The following NCOR2 variants were observed in gnomAD, a reference collection of about 807,000 sequenced individuals.
The protein encoded by NCOR2 is CTG repeat protein 26.
A neutral mutation model predicts 262.9 loss-of-function variants in NCOR2; 81 were observed. The observed-to-expected ratio is 0.31, with a 90% CI of 0.26 to 0.37. The LOEUF is 0.37. NCOR2 is among the 10% of genes least tolerant of loss of function. The probability of loss-of-function intolerance (pLI) is 1.00; values close to 1 mark genes in which losing one functional copy is unlikely to be tolerated. For synonymous variants in NCOR2, 1,659 were observed against 1,559.3 expected, an observed-to-expected ratio of 1.06 and a Z score of -1.51; for missense variants, 3,385 against 3,621.4, an observed-to-expected ratio of 0.93 and a Z score of 1.68.
chr12:124,437,866 C>T, intron 8 of NCOR2, 64 bp downstream of exon 10: 1 of 1,494,654 alleles, frequency 6.7e-7, no homozygotes, highest in Non-Finnish European at 9.2e-7. Flanking sequence ...AGGTGTGGCC[C>T]CCTGTGCGCT....
At chr12:124,398,289 G>T in intron 15 of NCOR2, 108 bp from the exon 18 acceptor site, 1 of 1,214,910 alleles carries the variant, frequency 8.2e-7, no homozygotes, top group Non-Finnish European at 1.2e-6. Context: ...GGCCTTGACG[G>T]TGTCACCGCA....
intron 4 of NCOR2, among the ~76,000 whole-genome samples, chr12:124,468,136 TCATCAC>T (rs2046590635): frequency 1.8e-5 from 1 of 54,824 alleles, no homozygotes; most frequent in Non-Finnish European, 3.3e-5. Flanking sequence ...ATCCTCATCC[TCATCAC>T]CATCACCCTC....
chr12:124,368,468 TC>T (rs2039214889), intron 20 of NCOR2, among the ~76,000 whole-genome samples: 6 of 152,018 alleles, frequency 3.9e-5, no homozygotes, highest in Admixed American at 3.9e-4. Context: ...ATCCCTTGCC[TC>T]TCCAAGGCCC....
At chr12:124,339,893 GCCCA>G in intron 37 of NCOR2, 109 bp downstream of exon 39, 14 of 565,960 alleles carry the variant, frequency 2.5e-5, no homozygotes, top group Middle Eastern at 4.9e-4. Flanking sequence ...CCACACATCT[GCCCA>G]CCCACCCACC....
intron 37 of NCOR2, among the ~76,000 whole-genome samples, chr12:124,338,199 G>A (rs1393432430): frequency 1.3e-5 from 2 of 152,220 alleles, no homozygotes; most frequent in African/African-American, 4.8e-5. Flanking sequence ...TTTTGGAGGA[G>A]TAAGTTGCCT....
At chr12:124,373,177 T>C (rs1358665485) in intron 19 of NCOR2, among the ~76,000 whole-genome samples, 2 of 152,264 alleles carry the variant, frequency 1.3e-5, no homozygotes, top group Non-Finnish European at 2.9e-5. Flanking sequence ...CATCGTCACA[T>C]GACAGTGTAG....
intron 20 of NCOR2, among the ~76,000 whole-genome samples, chr12:124,364,071 G>A (rs1255966269): frequency 1.3e-5 from 2 of 152,178 alleles, no homozygotes; most frequent in African/African-American, 2.4e-5. Flanking sequence ...CCCCATCAGG[G>A]GCCAAGCCAG....
At chr12:124,359,096 G>A (rs953885771) in intron 22 of NCOR2, among the ~76,000 whole-genome samples, 1 of 152,226 alleles carries the variant, frequency 6.6e-6, no homozygotes, top group Non-Finnish European at 1.5e-5. Context: ...ACTCAGCGGG[G>A]CCCCGGGGCT....
At chr12:124,502,764 C>T (rs1440607177) in intron 1 of NCOR2, among the ~76,000 whole-genome samples, 1 of 152,186 alleles carries the variant, frequency 6.6e-6, no homozygotes, top group African/African-American at 2.4e-5. Flanking sequence ...CTGCCTCTGG[C>T]GTCTCTGTGT....
At chr12:124,555,474 A>G (rs954676700) in intron 1 of NCOR2, among the ~76,000 whole-genome samples, 10 of 152,160 alleles carry the variant, frequency 6.6e-5, no homozygotes, top group African/African-American at 9.7e-5. Context: ...GGATGTATAC[A>G]TGCTCGGGTG....
upstream of NCOR2, among the ~76,000 whole-genome samples, chr12:124,497,144 A>G (rs2048422164): frequency 6.6e-6 from 1 of 152,234 alleles, no homozygotes; most frequent in Non-Finnish European, 1.5e-5. The surrounding 1 kb of genome is among the most constrained non-coding windows in gnomAD (Gnocchi z 4.2). Context: ...GCCACCAAGA[A>G]TTCGGGCTCA....
chr12:124,399,364 G>A (rs966385376), intron 15 of NCOR2, among the ~76,000 whole-genome samples: 1 of 152,142 alleles, frequency 6.6e-6, no homozygotes, highest in Non-Finnish European at 1.5e-5. Context: ...CCACCCTGCG[G>A]CTGAGCCCCC....
chr12:124,404,295 C>T (rs2042147793), intron 13 of NCOR2, among the ~76,000 whole-genome samples: 1 of 152,198 alleles, frequency 6.6e-6, no homozygotes, highest in Non-Finnish European at 1.5e-5. Context: ...GTCAGATGTC[C>T]CTGGCAACAG....
chr12:124,463,273 C>T (rs2046264411), intron 5 of NCOR2, among the ~76,000 whole-genome samples: 2 of 152,278 alleles, frequency 1.3e-5, no homozygotes, highest in Non-Finnish European at 2.9e-5. Context: ...CCAGTCCCCT[C>T]TCTGGGACTT....
At chr12:124,452,980 G>C (rs2045638812) in intron 6 of NCOR2, among the ~76,000 whole-genome samples, 1 of 152,144 alleles carries the variant, frequency 6.6e-6, no homozygotes, top group Non-Finnish European at 1.5e-5. Flanking sequence ...CAGGAGCCCA[G>C]GGGAGGCTCT....
At chr12:124,367,624 T>C (rs2039144618) in intron 20 of NCOR2, among the ~76,000 whole-genome samples, 2 of 152,120 alleles carry the variant, frequency 1.3e-5, no homozygotes, top group Non-Finnish European at 1.5e-5. Context: ...TTCTTTGTTT[T>C]ATTTTATTTA....
intron 12 of NCOR2, among the ~76,000 whole-genome samples, chr12:124,421,077 G>A (rs925159396): frequency 5.9e-5 from 9 of 152,378 alleles, no homozygotes; most frequent in Middle Eastern, 6.8e-3. Flanking sequence ...GCTCCTTCCT[G>A]CGCTCAGCAA....
intron 5 of NCOR2, among the ~76,000 whole-genome samples, chr12:124,458,029 A>C (rs1413702663): frequency 6.6e-6 from 1 of 152,206 alleles, no homozygotes; most frequent in Non-Finnish European, 1.5e-5. Flanking sequence ...CACCAGGCTA[A>C]ACTGCGTGTG....
At chr12:124,362,419 G>A (rs188892988) in intron 21 of NCOR2, 122 bp from the exon 24 acceptor site, 877 of 868,746 alleles carry the variant, frequency 1.0e-3, no homozygotes, top group Non-Finnish European at 1.2e-3. Context: ...ACATGCTCAA[G>A]GTCCCAGGTG....
Sources: allele counts gnomAD v4.1 joint callset (sites outside exome capture counted in the v4.1 genomes callset), GRCh38; gene constraint gnomAD v4.1.1; non-coding constraint Gnocchi (gnomAD v3.1); transcripts MANE v1.5; gene names NCBI Gene and HGNC (gene_info 2026-07-23, HGNC 2026-07-21).